POLR2M: variants seen among roughly 807,000 people sequenced by gnomAD.
POLR2M encodes RNA polymerase II subunit M, also known as protein GRINL1A.
In POLR2M, 30 loss-of-function variants were observed where a neutral mutation model predicts 34.6. That is an observed-to-expected ratio of 0.87 (90% CI 0.65 to 1.18). The LOEUF (loss-of-function observed/expected upper bound fraction) is 1.18. Among genes scored for constraint, POLR2M ranks in the 50% most tolerant of loss-of-function variants. POLR2M has a pLI of 0.00. For synonymous variants in POLR2M, 150 were observed against 166.7 expected (o/e 0.90, Z 0.77); for missense variants, 432 against 448.7 (o/e 0.96, Z 0.34).
Position 57,714,069 on chromosome 15 carries a change from G to T in POLR2M, c.964-467G>T, listed in dbSNP as rs1007649244. ...TCATCGTGTTAGCCAGGATGGTCTC[G>T]ATCTCCTGACCTCGTGATCCGCCTG... On this transcript the variant is annotated intron_variant, in intron 3 of 3. Transcript: ENST00000299638. Among the ~76,000 whole-genome samples the T allele has an allele frequency of 4.5e-4, 69 of 151,940 alleles. 2 individuals are homozygous for T. The highest frequency in any genetic ancestry group is 6.8e-3 in the Middle Eastern group (2 of 294).
intron 2 of POLR2M, among the ~76,000 whole-genome samples, chr15:57,711,745 G>GAAAAAAAAAAAAAAAAA (rs11459856): frequency 8.0e-6 from 1 of 125,276 alleles, no homozygotes. Flanking sequence ...TTGAATAAAT[G>GAAAAAAAAAAAAAAAAA]AAAAAAAAAA....
Position 57,712,021 on chromosome 15 carries a change from C to T in POLR2M, c.796C>T (p.Gln266Ter). 1 of 1,613,990 alleles carries T rather than the reference C, an allele frequency of 6.2e-7. No homozygotes were observed. Among genetic ancestry groups the T allele is most frequent in the Non-Finnish European group, 8.5e-7 (1 of 1,179,922 alleles). ...ACAAAATGATTCATCTAGTCATTGC[C>T]AGAAGAGTGGGTCTCCTATTTCCTC... ...FRQNDSSSHC[Q>*]KSGSPISSEE... Residue 266 changes from glutamine to a stop codon, truncating the protein, a stop_gained, in exon 3 of 4, where the codon CAG becomes TAG. Transcript: ENST00000299638. LOFTEE classifies it high-confidence loss of function.
chr15:57,712,227 G>A lies in POLR2M; in HGVS notation c.963+39G>A, dbSNP rs572584580. The A allele has an allele frequency of 2.5e-6, 4 of 1,608,308 alleles. No individual in the cohort carries two copies. In the African/African-American group the frequency reaches 5.3e-5, roughly 21 times the overall value. On this transcript the variant is annotated intron_variant, in intron 3 of 3. Transcript: ENST00000299638. Reference sequence around the variant, plus strand: ...TTTTTTTCTTGTCTGTTTGTTGGGTGCTGCTTACATAAGCTAGAATTTACT... The same window carrying A: ...TTTTTTTCTTGTCTGTTTGTTGGGTACTGCTTACATAAGCTAGAATTTACT...
intron 3 of POLR2M, among the ~76,000 whole-genome samples, chr15:57,714,090 G>A (rs1475271987): frequency 4.6e-5 from 7 of 151,910 alleles, no homozygotes; most frequent in Non-Finnish European, 8.8e-5. Flanking sequence ...CTCGTGATCC[G>A]CCTGCCTCAG....
intron 2 of POLR2M, among the ~76,000 whole-genome samples, chr15:57,711,363 A>G (rs1048126788): frequency 6.6e-6 from 1 of 152,216 alleles, no homozygotes; most frequent in Non-Finnish European, 1.5e-5. Flanking sequence ...GTAAGATGGA[A>G]ATCCGAACTT....
At position 57,715,457 on chromosome 15, in the gene POLR2M, A is replaced by T. The variant is rs1317920325; in HGVS notation, c.*778A>T. 1 of 152,106 alleles carries T rather than the reference A, an allele frequency of 6.6e-6. No individual in the cohort carries two copies. Among genetic ancestry groups the T allele is most frequent in the Non-Finnish European group, 1.5e-5 (1 of 68,018 alleles). The allele number at this position is 152,106 out of a possible 1,614,324, so 9.4% of individuals were successfully genotyped here. ...TAAATAACCTCATGTTACTTCAGGC[A>T]AATCTGGTACAGGAGAAGCCCAAGC... On this transcript the variant is annotated 3_prime_UTR_variant, in exon 4 of 4. Transcript: ENST00000299638.
chr15:57,708,690 A>C (rs1236756229), intron 1 of POLR2M, 24 bp from the exon 2 acceptor site: 5 of 1,547,710 alleles, frequency 3.2e-6, no homozygotes, highest in Non-Finnish European at 4.3e-6. Context: ...CTGTAATGTA[A>C]TAGTATTCTT....
intron 3 of POLR2M, among the ~76,000 whole-genome samples, chr15:57,712,688 T>C (rs1193515195): frequency 6.6e-6 from 1 of 152,194 alleles, no homozygotes; most frequent in Admixed American, 6.5e-5. Flanking sequence ...TAGAGCATAA[T>C]CTGCAGGCCC....
chr15:57,708,653 AT>A, intron 1 of POLR2M, 60 bp from the exon 2 acceptor site: 1 of 1,424,538 alleles, frequency 7.0e-7, no homozygotes, highest in Middle Eastern at 1.8e-4. Context: ...TGCCTTTTTA[AT>A]GTTATATCTC....
At chr15:57,710,878 TG>T (rs1192737136) in intron 2 of POLR2M, among the ~76,000 whole-genome samples, 1 of 152,080 alleles carries the variant, frequency 6.6e-6, no homozygotes, top group Non-Finnish European at 1.5e-5. Flanking sequence ...GGTTGGAAGG[TG>T]GGGTCAGGTA....
chr15:57,709,971 CAATT>C (rs1407790872), intron 2 of POLR2M, among the ~76,000 whole-genome samples: 2 of 152,140 alleles, frequency 1.3e-5, no homozygotes, highest in Non-Finnish European at 2.9e-5. Flanking sequence ...TGTGGGGACA[CAATT>C]AAGTCAAGAT....
At chr15:57,707,454 TTTTG>T (rs1173771168) in intron 1 of POLR2M, 15 of 580,762 alleles carry the variant, frequency 2.6e-5, no homozygotes, top group Non-Finnish European at 3.9e-5. Flanking sequence ...ATAAAAGTGA[TTTTG>T]TTTTTTAGGC....
Position 57,711,846 on chromosome 15 carries a change from A to G in POLR2M, c.759-138A>G, listed in dbSNP as rs771795259. Reference sequence around the variant, plus strand: ...CAAACACACCCCTATTTGTTAGAGCAATGAATACTGGTAAATTACTTACTG... The same window carrying G: ...CAAACACACCCCTATTTGTTAGAGCGATGAATACTGGTAAATTACTTACTG... On this transcript the variant is annotated intron_variant, in intron 2 of 3. Transcript: ENST00000299638. The G allele has an allele frequency of 1.7e-4, 172 of 1,012,352 alleles. 1 individual carries two copies. Among genetic ancestry groups the G allele is most frequent in the Non-Finnish European group, 2.2e-4 (154 of 689,268 alleles). The allele number at this position is 1,012,352 out of a possible 1,614,324, so 62.7% of individuals were successfully genotyped here.
chr15:57,708,828 C>G lies in POLR2M; in HGVS notation c.228C>G (p.Asn76Lys), dbSNP rs1373102325. 6.2e-7 allele frequency: 1 copy of G among 1,613,966 alleles called. No homozygotes were observed. Among genetic ancestry groups the G allele is most frequent in the East Asian group, 2.2e-5 (1 of 44,880 alleles). Residue 76 changes from asparagine (N) to lysine (K), a missense_variant, in exon 2 of 4, where the codon AAC (asparagine) becomes AAG (lysine). Physicochemically the swap from Asn to Lys is moderately conservative, Grantham distance 94 (BLOSUM62 0). Transcript: ENST00000299638. Reference sequence around the variant, plus strand: ...TTAGAAGAAAAAGTGAACTGTTTAACCCTGTTAGTTTAGACTGTAAGCTAA... The same window carrying G: ...TTAGAAGAAAAAGTGAACTGTTTAAGCCTGTTAGTTTAGACTGTAAGCTAA... Reference protein sequence around the residue: ...EEVRRKSELFNPVSLDCKLRQ... With the variant: ...EEVRRKSELFKPVSLDCKLRQ...
rs375334112 is a variant in POLR2M, at chr15:57,708,975, A to T, written c.375A>T (p.Gln125His). The T allele has an allele frequency of 1.2e-6, 2 of 1,614,098 alleles. No homozygotes were observed. The highest frequency in any genetic ancestry group is 1.1e-5 in the South Asian group (1 of 91,084). ...CTGTAGATAACATCAAGTCATCTCA[A>T]ACCTCACAAAACCAGGGACTTGGAC... ...CSSVDNIKSS[Q>H]TSQNQGLGRP... Residue 125 changes from glutamine (Q) to histidine (H), a missense_variant, in exon 2 of 4, where the codon CAA becomes CAT. Physicochemically the swap from Gln to His is conservative, Grantham distance 24 (BLOSUM62 0). Transcript: ENST00000299638.
rs771416011 is a variant in POLR2M at position 57,711,974 on chromosome 15, C to T, written c.759-10C>T. 1.9e-6 allele frequency: 3 copies of T among 1,613,664 alleles called. No individual in the cohort carries two copies. In the African/African-American group the frequency reaches 4.0e-5, roughly 22 times the overall value. On this transcript the variant is annotated splice_polypyrimidine_tract_variant and intron_variant, in intron 2 of 3. Transcript: ENST00000299638. ...ATCTGATTGTATAACACAAGTTTTC[C>T]TTTCATCAGGTTACCTTTTCGACAA...
rs150284835 is a variant in POLR2M at position 57,707,203 on chromosome 15, A to G, written c.113+248A>G. On this transcript the variant is annotated intron_variant, in intron 1 of 3. Transcript: ENST00000299638. Reference sequence around the variant, plus strand: ...CTACCTGGCGTTGCAGGGAGTTAGTAGCCCCTGGTCGGTTTTATTTACCCG... The same window carrying G: ...CTACCTGGCGTTGCAGGGAGTTAGTGGCCCCTGGTCGGTTTTATTTACCCG... The G allele has an allele frequency of 3.8e-3, 5,588 of 1,456,794 alleles. 18 individuals are homozygous for G. The highest frequency in any genetic ancestry group is 4.9e-3 in the Middle Eastern group (26 of 5,322). The allele number at this position is 1,456,794 out of a possible 1,614,324, so 90.2% of individuals were successfully genotyped here. A position where few individuals can be genotyped will look rare whatever the true frequency, so the allele number is the denominator to read the frequency against.
In POLR2M at chr15:57,706,755, T is replaced by A; in HGVS notation, c.-88T>A. ...GGCGACTCCCGCTCGTGCCCCGGAG[T>A]CACCGCCGTCCGCGGATCCGGCGCT... On this transcript the variant is annotated 5_prime_UTR_variant, in exon 1 of 4. Coordinates refer to ENST00000299638, the MANE Select transcript of POLR2M (RefSeq NM_015532.5). The A allele has an allele frequency of 6.9e-7, 1 of 1,450,362 alleles. No individual in the cohort carries two copies. Among genetic ancestry groups the A allele is most frequent in the Non-Finnish European group, 9.3e-7 (1 of 1,071,752 alleles). 89.8% of individuals were successfully genotyped at this position (1,450,362 alleles called of 1,614,324 possible). A position where few individuals can be genotyped will look rare whatever the true frequency, so the allele number is the denominator to read the frequency against.
At chr15:57,710,911 C>G (rs539201292) in intron 2 of POLR2M, among the ~76,000 whole-genome samples, 2 of 152,146 alleles carry the variant, frequency 1.3e-5, no homozygotes, top group Non-Finnish European at 2.9e-5. Flanking sequence ...GTCCTTTCTG[C>G]TCTTCCTTCT....
Sources: allele counts gnomAD v4.1 joint callset (sites outside exome capture counted in the v4.1 genomes callset), GRCh38; gene constraint gnomAD v4.1.1; transcripts MANE v1.5; gene names NCBI Gene and HGNC (gene_info 2026-07-23, HGNC 2026-07-21).